ARHGEF10: variants seen among roughly 807,000 people sequenced by gnomAD.
ARHGEF10 encodes the protein Rho guanine nucleotide exchange factor (GEF) 10.
In ARHGEF10, 140 loss-of-function variants were observed where a neutral mutation model predicts 147.4. The observed-to-expected ratio is 0.95, with a 90% CI of 0.83 to 1.09. The LOEUF is 1.09. Ranked by LOEUF, ARHGEF10 falls within the 50% of genes least tolerant of loss-of-function variation. ARHGEF10 has a pLI of 0.00. For synonymous variants in ARHGEF10, 902 were observed against 695.8 expected, an observed-to-expected ratio of 1.30 and a Z score of -4.67; for missense variants, 2,222 against 1,752.7, an observed-to-expected ratio of 1.27 and a Z score of -4.78.
chr8:1,869,858 G>C, intron 7 of ARHGEF10: 1 of 170,986 alleles, frequency 5.8e-6, no homozygotes. Context: ...GAAGGACGTG[G>C]CTCTTTTAAC....
chr8:1,933,922 G>C lies in ARHGEF10; in HGVS notation c.3202G>C (p.Val1068Leu). The C allele has an allele frequency of 6.2e-7, 1 of 1,614,224 alleles. No individual in the cohort carries two copies. The highest frequency in any genetic ancestry group is 8.5e-7 in the Non-Finnish European group (1 of 1,180,048). ...CGGAGGTCAAGTCTTCATCATCAGT[G>C]TGGAGACTCATGCTGTAGAGGTAAG... ...ASGGQVFIIS[V>L]ETHAVEGQLE... Residue 1068 changes from valine to leucine, a missense_variant, in exon 26 of 29, where the codon GTG becomes CTG. Coordinates refer to ENST00000349830, the MANE Select transcript of ARHGEF10 (RefSeq NM_014629.4).
intron 1 of ARHGEF10, among the ~76,000 whole-genome samples, chr8:1,842,214 G>C (rs1395662318): frequency 1.3e-5 from 2 of 152,130 alleles, no homozygotes; most frequent in African/African-American, 4.8e-5. Context: ...AAGGCAGAAG[G>C]GCGGGCACTG....
At chr8:1,837,792 C>T (rs763535720) in intron 1 of ARHGEF10, among the ~76,000 whole-genome samples, 2 of 152,128 alleles carry the variant, frequency 1.3e-5, no homozygotes, top group African/African-American at 4.8e-5. Flanking sequence ...TCCTCGGCTG[C>T]GTCGTATTAC....
chr8:1,899,117 T>G (rs1353810885), intron 15 of ARHGEF10, among the ~76,000 whole-genome samples: 3 of 152,218 alleles, frequency 2.0e-5, no homozygotes, highest in Non-Finnish European at 4.4e-5. Context: ...CTGTGAACAG[T>G]AGGCCTGTTC....
chr8:1,866,422 GACACACACACACAC>G (rs57422654), intron 5 of ARHGEF10, 90 bp from the exon 6 acceptor site: 9 of 782,520 alleles, frequency 1.2e-5, no homozygotes, highest in Non-Finnish European at 1.8e-5. Flanking sequence ...TATATATTCT[GACACACACACACAC>G]ACACACACAC....
At position 1,858,025 on chromosome 8, in the gene ARHGEF10, A is replaced by T. The variant is rs200417501; in HGVS notation, c.103A>T (p.Ser35Cys). The T allele has an allele frequency of 2.5e-5, 41 of 1,614,166 alleles. No homozygotes were observed. The African/African-American group carries it at 3.3e-4, about 13-fold the overall frequency. Residue 35 changes from serine to cysteine, a missense_variant, in exon 3 of 29, where the codon AGT (serine) becomes TGT (cysteine). Physicochemically the swap from Ser to Cys is moderately radical, Grantham distance 112. Coordinates refer to ENST00000349830, the MANE Select transcript of ARHGEF10 (RefSeq NM_014629.4). ...EEEGEQFDFDSGDEIPEADRQ... is the reference protein window; with the variant it reads ...EEEGEQFDFDCGDEIPEADRQ... ...AGAGGGAGAACAGTTCGATTTTGACAGTGGAGATGAAATCCCAGAAGCGGA... is the reference window on the plus strand; with the variant it reads ...AGAGGGAGAACAGTTCGATTTTGACTGTGGAGATGAAATCCCAGAAGCGGA...
intron 10 of ARHGEF10, among the ~76,000 whole-genome samples, chr8:1,884,030 C>T (rs1238560536): frequency 6.6e-6 from 1 of 152,140 alleles, no homozygotes; most frequent in East Asian, 1.9e-4. Flanking sequence ...CCCCTGGGAG[C>T]AGGTCATGCT....
intron 26 of ARHGEF10, among the ~76,000 whole-genome samples, chr8:1,935,935 C>G (rs1467840837): frequency 1.3e-5 from 2 of 152,250 alleles, no homozygotes; most frequent in Non-Finnish European, 2.9e-5. Context: ...CCGAGGGAGG[C>G]TGTGGTGCCT....
chr8:1,909,034 T>C (rs763251947), intron 17 of ARHGEF10, among the ~76,000 whole-genome samples: 1 of 152,242 alleles, frequency 6.6e-6, no homozygotes, highest in Non-Finnish European at 1.5e-5. Context: ...GTTAAGCCTT[T>C]ATGGAAAACC....
chr8:1,843,941 C>T (rs111406446), intron 2 of ARHGEF10, among the ~76,000 whole-genome samples: 7,892 of 152,326 alleles, frequency 0.052, 273 homozygotes, highest in South Asian at 0.13. Flanking sequence ...TCTTCATTGT[C>T]ACCTCACCTG....
At chr8:1,859,215 A>G (rs1805876820) in intron 3 of ARHGEF10, among the ~76,000 whole-genome samples, 1 of 150,860 alleles carries the variant, frequency 6.6e-6, no homozygotes, top group African/African-American at 2.5e-5. Context: ...CTTTGGCCAT[A>G]GCACCTGCCT....
chr8:1,887,469 C>A (rs1463220107), intron 11 of ARHGEF10, among the ~76,000 whole-genome samples: 1 of 135,864 alleles, frequency 7.4e-6, no homozygotes, highest in Non-Finnish European at 1.6e-5. Flanking sequence ...TGTGAGGGGT[C>A]TGTGAGGAGA....
intron 18 of ARHGEF10, among the ~76,000 whole-genome samples, chr8:1,912,695 A>G (rs888727195): frequency 2.0e-5 from 3 of 152,130 alleles, no homozygotes; most frequent in Non-Finnish European, 4.4e-5. Context: ...CCCCTGGTCC[A>G]TGGATTGGTT....
intron 11 of ARHGEF10, among the ~76,000 whole-genome samples, chr8:1,886,567 G>A (rs1808674865): frequency 6.6e-6 from 1 of 152,236 alleles, no homozygotes; most frequent in Non-Finnish European, 1.5e-5. Context: ...GAATTGAACA[G>A]CGATGACTGA....
At chr8:1,917,469 G>A (rs1811844389) in intron 18 of ARHGEF10, among the ~76,000 whole-genome samples, 2 of 152,144 alleles carry the variant, frequency 1.3e-5, no homozygotes, top group Admixed American at 1.3e-4. Context: ...CACCCCCAGG[G>A]GCTTTTCCAG....
At chr8:1,928,246 G>A (rs2129223482) in intron 23 of ARHGEF10, among the ~76,000 whole-genome samples, 181 bp from the exon 24 acceptor site, 1 of 152,276 alleles carries the variant, frequency 6.6e-6, no homozygotes, top group African/African-American at 2.4e-5. Flanking sequence ...TGAATTAAAT[G>A]TGTTGAAAAG....
chr8:1,846,238 C>A (rs146452643), intron 2 of ARHGEF10, among the ~76,000 whole-genome samples: 1 of 152,260 alleles, frequency 6.6e-6, no homozygotes. Flanking sequence ...GCCACATGAC[C>A]TTGGTCTTTG....
chr8:1,928,250 TGAAAA>T (rs930365662), intron 23 of ARHGEF10, among the ~76,000 whole-genome samples, 172 bp from the exon 24 acceptor site: 9 of 152,202 alleles, frequency 5.9e-5, no homozygotes, highest in African/African-American at 2.2e-4. Flanking sequence ...TTAAATGTGT[TGAAAA>T]GAAAAAGGGG....
rs1425581146 is a variant in ARHGEF10 at position 1,842,101 on chromosome 8, C to G, written c.-47-1252C>G. Among the ~76,000 whole-genome samples, 4 of 150,744 alleles carry G rather than the reference C, an allele frequency of 2.7e-5. No homozygotes were observed. In the East Asian group the frequency reaches 7.9e-4, roughly 30 times the overall value. On this transcript the variant is annotated intron_variant, in intron 1 of 28. Transcript: ENST00000349830. ...ACTGGGGCCGCGAGGCGCCGAACCA[C>G]GAGGCCAGGTGCTGGGGATGGGGCG...
Sources: allele counts gnomAD v4.1 joint callset (sites outside exome capture counted in the v4.1 genomes callset), GRCh38; gene constraint gnomAD v4.1.1; transcripts MANE v1.5; gene names NCBI Gene and HGNC (gene_info 2026-07-23, HGNC 2026-07-21).